The following SCN11A variants were observed in gnomAD, a reference collection of about 807,000 sequenced individuals.
The protein encoded by SCN11A is sodium voltage-gated channel alpha subunit 11, also known as sodium channel protein type 11 subunit alpha.
SCN11A carries 122 observed loss-of-function variants against 162.2 expected under a neutral mutation model. The observed-to-expected ratio is 0.75, with a 90% CI of 0.65 to 0.87. SCN11A has a LOEUF of 0.87. Among genes scored for constraint, SCN11A ranks in the 40% least tolerant of loss-of-function variants. The pLI is 0.00. For missense variants in SCN11A, 2,015 were observed against 2,181.6 expected (o/e 0.92, Z 1.52); for synonymous variants, 758 against 751.5 (o/e 1.01, Z -0.14).
chr3:38,853,482 TC>T (rs2064816534), intron 28 of SCN11A, among the ~76,000 whole-genome samples: 1 of 152,214 alleles, frequency 6.6e-6, no homozygotes, highest in African/African-American at 2.4e-5. Context: ...CAAAAATCTC[TC>T]ACTATATAAA....
At chr3:39,005,677 A>T (rs528089513) in intron 2 of SCN11A, among the ~76,000 whole-genome samples, 1 of 152,044 alleles carries the variant, frequency 6.6e-6, no homozygotes, top group East Asian at 1.9e-4. Context: ...AACTATCCAT[A>T]TTTTTTTATT....
At chr3:38,924,817 A>G (rs1042827192) in intron 9 of SCN11A, among the ~76,000 whole-genome samples, 1 of 151,310 alleles carries the variant, frequency 6.6e-6, no homozygotes, top group Non-Finnish European at 1.5e-5. Context: ...CCCCCCCTTC[A>G]CTTCTATGAT....
At chr3:38,994,001 C>T (rs918056006) in intron 2 of SCN11A, among the ~76,000 whole-genome samples, 4 of 152,208 alleles carry the variant, frequency 2.6e-5, no homozygotes, top group South Asian at 4.1e-4. Flanking sequence ...TAGCTGTCCA[C>T]GCAGTAACCA....
intron 7 of SCN11A, among the ~76,000 whole-genome samples, chr3:38,935,899 A>T (rs9682213): frequency 2.0e-5 from 3 of 152,190 alleles, no homozygotes; most frequent in Non-Finnish European, 4.4e-5. Flanking sequence ...TACCAAAGCC[A>T]GGCAGAGACA....
At chr3:38,873,380 A>G (rs1342054925) in intron 23 of SCN11A, among the ~76,000 whole-genome samples, 3 of 152,144 alleles carry the variant, frequency 2.0e-5, no homozygotes, top group African/African-American at 7.2e-5. Flanking sequence ...AATCTTGCCA[A>G]CCTCATTGTA....
intron 29 of SCN11A, among the ~76,000 whole-genome samples, 186 bp from the exon 30 acceptor site, chr3:38,847,928 T>C (rs1367358159): frequency 2.0e-5 from 3 of 152,138 alleles, no homozygotes; most frequent in Admixed American, 1.3e-4. Context: ...ATTTGGAAAA[T>C]AGTTTCCAAG....
intron 29 of SCN11A, among the ~76,000 whole-genome samples, chr3:38,848,052 T>C (rs917993962): frequency 1.3e-5 from 2 of 152,178 alleles, no homozygotes; most frequent in African/African-American, 4.8e-5. Context: ...TAGAGGGAAA[T>C]GGTAGCATTG....
chr3:38,912,085 G>A (rs563218162), intron 11 of SCN11A, among the ~76,000 whole-genome samples: 2 of 152,288 alleles, frequency 1.3e-5, no homozygotes, highest in East Asian at 1.9e-4. Flanking sequence ...CTGAGGAGGA[G>A]GGCATCCATT....
chr3:38,957,282 T>C (rs910502722), intron 3 of SCN11A, among the ~76,000 whole-genome samples: 10 of 152,178 alleles, frequency 6.6e-5, no homozygotes, highest in African/African-American at 2.4e-4. Context: ...TGGAGACATT[T>C]TACTTTTAAC....
intron 2 of SCN11A, among the ~76,000 whole-genome samples, chr3:39,020,229 G>A (rs542968021): frequency 6.6e-5 from 10 of 152,080 alleles, no homozygotes; most frequent in African/African-American, 2.4e-4. Context: ...GTTTCTATTT[G>A]GGAAAATTTA....
rs951508265 is a variant in SCN11A at position 38,872,239 on chromosome 3, C to T, written c.3449G>A (p.Arg1150Gln). 6.2e-6 allele frequency: 10 copies of T among 1,611,338 alleles called. No homozygotes were observed. The highest frequency in any genetic ancestry group is 1.6e-4 in the Middle Eastern group (1 of 6,064). The change falls in exon 24 of 30, where the codon CGA becomes CAA. Residue 1150 changes from arginine (R) to glutamine (Q), a missense_variant. Coordinates refer to ENST00000302328, the MANE Select transcript of SCN11A (RefSeq NM_001349253.2). ...LMELKSFRTL[R>Q]ALRPLRALSQ... The stretch of plus-strand genomic sequence containing the variant: ...CAGCGCACGAAGAGGCCTCAGTGCT[C>T]GTAGAGTCCGGAAGGACTTCAATTC...
rs150574707 is a variant in SCN11A, at chr3:38,853,465, C to T, written c.4057-2714G>A. ...CCCAAATATAATTTTATCATTAACC[C>T]TGTGGTCAAAAATCTCTCACTATAT... On this transcript the variant is annotated intron_variant, in intron 28 of 29. Transcript: ENST00000302328. 8.1e-3 allele frequency among the ~76,000 whole-genome samples: 1,240 copies of T among 152,298 alleles called. 8 individuals carry two copies. Among genetic ancestry groups the T allele is most frequent in the Non-Finnish European group, 0.012 (814 of 68,022 alleles).
chr3:39,012,617 A>G (rs1336145023), intron 2 of SCN11A, among the ~76,000 whole-genome samples: 1 of 151,792 alleles, frequency 6.6e-6, no homozygotes, highest in Non-Finnish European at 1.5e-5. Context: ...AGCAGCTGGG[A>G]CTACAGGCAT....
rs959675445 is a variant in SCN11A, at chr3:39,023,254, G to A, written c.-280+9126C>T. The stretch of plus-strand genomic sequence containing the variant: ...TGGACCATGTGGGCTCATTTGGTTA[G>A]TCTATTACTTTTGCATATGTTTGAA... On this transcript the variant is annotated intron_variant, in intron 2 of 29. Coordinates refer to ENST00000302328, the MANE Select transcript of SCN11A (RefSeq NM_001349253.2). Among the ~76,000 whole-genome samples, 11 of 152,292 alleles carry A rather than the reference G, an allele frequency of 7.2e-5. No individual in the cohort carries two copies. The East Asian group carries it at 2.1e-3, about 29-fold the overall frequency.
In SCN11A at chr3:38,918,120, A is replaced by G. The variant is rs571742201; in HGVS notation, c.959+1815T>C. Among the ~76,000 whole-genome samples, 60 of 146,730 alleles carry G rather than the reference A, an allele frequency of 4.1e-4. 2 individuals carry two copies. The South Asian group carries it at 6.1e-3, about 15-fold the overall frequency. On this transcript the variant is annotated intron_variant, in intron 11 of 29. Coordinates refer to ENST00000302328, the MANE Select transcript of SCN11A (RefSeq NM_001349253.2). ...AGATTTTGGAGGCAAAAGACTTGGG[A>G]AAAAAAAAAAGGACTAGTTGGAAAC... is the stretch of plus-strand genomic sequence containing the variant.
intron 2 of SCN11A, among the ~76,000 whole-genome samples, chr3:38,969,708 G>C (rs2125586531): frequency 6.6e-6 from 1 of 152,316 alleles, no homozygotes; most frequent in Admixed American, 6.5e-5. Context: ...AAATTTAAAA[G>C]CTTCTGGAAA....
intron 7 of SCN11A, among the ~76,000 whole-genome samples, chr3:38,941,026 C>T (rs2066435831): frequency 1.3e-5 from 2 of 152,094 alleles, no homozygotes; most frequent in Non-Finnish European, 1.5e-5. Flanking sequence ...AAAGAAGGTA[C>T]CTGCAATGCA....
chr3:39,046,982 G>C (rs6795176), intron 1 of SCN11A, among the ~76,000 whole-genome samples: 1 of 145,912 alleles, frequency 6.9e-6, no homozygotes, highest in African/African-American at 2.6e-5. Context: ...CAGCCTCCCA[G>C]AGTGCTGGGA....
Position 38,921,090 on chromosome 3 carries a change from T to G in SCN11A, c.878A>C (p.Asn293Thr). The change falls in exon 10 of 30, where the codon AAC (asparagine) becomes ACC (threonine). Residue 293 changes from asparagine (N) to threonine (T), a missense_variant. Transcript: ENST00000302328. ...TGGGTATTTACCATAAGCTTCCGGG[T>G]TACTGATATTTTTACAGTCCCTCGA... ...CISRDCKNIS[N>T]PEAYDHCFEK... is the part of the protein sequence containing the mutation. 1 of 1,613,760 alleles carries G rather than the reference T, an allele frequency of 6.2e-7. No homozygotes were observed.
Sources: gnomAD v4.1 joint callset for allele counts (sites outside exome capture counted in the v4.1 genomes callset) on GRCh38, gnomAD v4.1.1 for gene constraint, MANE v1.5 for transcripts, NCBI Gene and HGNC (gene_info 2026-07-23, HGNC 2026-07-21) for gene names.